The following GALNT18 variants were observed in gnomAD, a reference collection of about 807,000 sequenced individuals.
The protein encoded by GALNT18 is GalNAc-transferase 18.
GALNT18 carries 44 observed loss-of-function variants against 69.5 expected under a neutral mutation model. The ratio of observed to expected loss-of-function variants is 0.63; its 90% CI spans 0.50 to 0.81. The LOEUF (loss-of-function observed/expected upper bound fraction) is 0.81, where lower values mean the gene tolerates loss of function less well. Ranked by LOEUF, GALNT18 falls within the 40% of genes least tolerant of loss-of-function variation. The probability of loss-of-function intolerance (pLI) is 0.00; values close to 1 mark genes in which losing one functional copy is unlikely to be tolerated. For missense variants in GALNT18, 715 were observed against 810.0 expected (o/e 0.88, Z 1.42); for synonymous variants, 364 against 318.2 (o/e 1.14, Z -1.53).
intron 10 of GALNT18, among the ~76,000 whole-genome samples, chr11:11,286,227 A>AAT (rs768229945): frequency 5.9e-5 from 9 of 152,200 alleles, no homozygotes; most frequent in Non-Finnish European, 1.2e-4. Context: ...TGTTTTTAAA[A>AAT]ATACTCATTT....
In GALNT18 at chr11:11,270,962, A is replaced by G. The variant is rs969580717; in HGVS notation, c.*182T>C. ...CTGCAAAATAGTTTGATATCATACC[A>G]TCACCTACCAATCAGCATCTTTCTA... On this transcript the variant is annotated 3_prime_UTR_variant, in exon 11 of 11. Transcript: ENST00000227756. 9.5e-6 allele frequency: 5 copies of G among 524,808 alleles called. No individual in the cohort carries two copies. The East Asian group carries it at 1.1e-4, about 12-fold the overall frequency. The allele number at this position is 524,808 out of a possible 1,614,324, so 32.5% of individuals were successfully genotyped here.
rs1441601409 is a variant in GALNT18, at chr11:11,616,324, A to G, written c.235+5035T>C. Among the ~76,000 whole-genome samples, 1 of 152,246 alleles carries G rather than the reference A, an allele frequency of 6.6e-6. No homozygotes were observed. Among genetic ancestry groups the G allele is most frequent in the Non-Finnish European group, 1.5e-5 (1 of 68,042 alleles). On this transcript the variant is annotated intron_variant, in intron 1 of 10. Coordinates refer to ENST00000227756, the MANE Select transcript of GALNT18 (RefSeq NM_198516.3). The surrounding 1 kb of genome is among the most constrained non-coding windows in gnomAD (Gnocchi z 4.4). ...TGAATGATAACACCCAATGCTGGCC[A>G]GGCTCCATGACTTTGGTACAATAAG...
chr11:11,561,792 G>A (rs945714438), intron 1 of GALNT18, among the ~76,000 whole-genome samples: 2 of 152,316 alleles, frequency 1.3e-5, no homozygotes, highest in African/African-American at 4.8e-5. Flanking sequence ...ATTGGGCAGA[G>A]CCAACAAGGG....
At chr11:11,384,341 C>T (rs1366382773) in intron 3 of GALNT18, among the ~76,000 whole-genome samples, 1 of 152,132 alleles carries the variant, frequency 6.6e-6, no homozygotes, top group African/African-American at 2.4e-5. Context: ...TATTTCTTCA[C>T]AGTTCTGGAG....
rs1221127401 is a variant in GALNT18, at chr11:11,573,644, T to C, written c.235+47715A>G. ...AGAACAAGAAGCTGCTATGAACCAA[T>C]CTTTAGAAAACAGCAGGATCTCCGA... On this transcript the variant is annotated intron_variant, in intron 1 of 10. Transcript: ENST00000227756. The surrounding 1 kb of genome is among the most constrained non-coding windows in gnomAD (Gnocchi z 4.6). 6.6e-6 allele frequency: 1 copy of C among 152,108 alleles called. No homozygotes were observed. Among genetic ancestry groups the C allele is most frequent in the East Asian group, 1.9e-4 (1 of 5,168 alleles). The allele number at this position is 152,108 out of a possible 1,614,324, so 9.4% of individuals were successfully genotyped here.
At chr11:11,577,839 T>G (rs1858963234) in intron 1 of GALNT18, among the ~76,000 whole-genome samples, 2 of 152,160 alleles carry the variant, frequency 1.3e-5, no homozygotes, top group South Asian at 2.1e-4. Context: ...CGTGGGTGGT[T>G]ATTGGTGTGG....
chr11:11,557,052 C>G (rs1032803271), intron 1 of GALNT18, among the ~76,000 whole-genome samples: 1 of 152,158 alleles, frequency 6.6e-6, no homozygotes, highest in Admixed American at 6.5e-5. Flanking sequence ...CCTAGACAGT[C>G]TCAGGACACG....
rs1301658561 is a variant in GALNT18, at chr11:11,465,419, G to A, written c.236-16483C>T. On this transcript the variant is annotated intron_variant, in intron 1 of 10. Transcript: ENST00000227756. The surrounding 1 kb of genome is among the most constrained non-coding windows in gnomAD (Gnocchi z 5.7). ...AAACACCAAGGATTACTCAAAGCTT[G>A]AGTGCTGCTCCTCCAGGCTGCACGG... is the stretch of plus-strand genomic sequence containing the variant. 6.6e-6 allele frequency among the ~76,000 whole-genome samples: 1 copy of A among 152,156 alleles called. No homozygotes were observed. The highest frequency in any genetic ancestry group is 1.5e-5 in the Non-Finnish European group (1 of 68,032).
chr11:11,547,729 G>A (rs780268250), intron 1 of GALNT18, among the ~76,000 whole-genome samples: 2 of 152,034 alleles, frequency 1.3e-5, no homozygotes, highest in Non-Finnish European at 2.9e-5. Context: ...CATCCTCTAC[G>A]CTGCAATTGG....
intron 10 of GALNT18, among the ~76,000 whole-genome samples, chr11:11,285,611 G>T (rs1849178136): frequency 6.6e-6 from 1 of 152,066 alleles, no homozygotes; most frequent in African/African-American, 2.4e-5. Context: ...CTCAAAACTG[G>T]ACAGTTCTAC....
chr11:11,377,423 G>T lies in GALNT18; in HGVS notation c.780-44C>A, dbSNP rs760450222. ...GCCAGAGAGGGTAACCATTTCCAAG[G>T]TGGAAAAATCCAGAGTAGCATCTCC... On this transcript the variant is annotated intron_variant, in intron 4 of 10. Transcript: ENST00000227756. The surrounding 1 kb of genome is among the most constrained non-coding windows in gnomAD (Gnocchi z 4.6). 1.3e-6 allele frequency: 2 copies of T among 1,587,454 alleles called. No individual in the cohort carries two copies. Among genetic ancestry groups the T allele is most frequent in the East Asian group, 4.5e-5 (2 of 44,670 alleles).
At position 11,491,033 on chromosome 11, in the gene GALNT18, C is replaced by CA. The variant is rs140665335; in HGVS notation, c.236-42098dup. The stretch of plus-strand genomic sequence containing the variant: ...GTGCACTGAAGCAGAGTGAGACAGC[C>CA]ACAGAGGCCAGATCTAGGTCTAGCA... On this transcript the variant is annotated intron_variant, in intron 1 of 10. Coordinates refer to ENST00000227756, the MANE Select transcript of GALNT18 (RefSeq NM_198516.3). 3.8e-3 allele frequency among the ~76,000 whole-genome samples: 585 copies of CA among 152,244 alleles called. 4 individuals carry two copies. The highest frequency in any genetic ancestry group is 0.013 in the African/African-American group (558 of 41,546).
chr11:11,364,555 G>C (rs1047169507), intron 6 of GALNT18, among the ~76,000 whole-genome samples: 7 of 140,264 alleles, frequency 5.0e-5, no homozygotes, highest in African/African-American at 2.5e-5. Flanking sequence ...TTACAAGAGG[G>C]GGGGAAAAAG....
At chr11:11,502,225 T>C (rs1856988076) in intron 1 of GALNT18, among the ~76,000 whole-genome samples, 1 of 152,192 alleles carries the variant, frequency 6.6e-6, no homozygotes, top group Admixed American at 6.5e-5. Flanking sequence ...GCAGAATTTA[T>C]GCGCTCCTGG....
At chr11:11,362,560 A>G (rs1160015359) in intron 6 of GALNT18, among the ~76,000 whole-genome samples, 1 of 152,170 alleles carries the variant, frequency 6.6e-6, no homozygotes, top group Non-Finnish European at 1.5e-5. Flanking sequence ...AAGAAATGCA[A>G]ATAGCCTTAA....
At chr11:11,580,431 T>A (rs764690319) in intron 1 of GALNT18, among the ~76,000 whole-genome samples, 12 of 152,184 alleles carry the variant, frequency 7.9e-5, no homozygotes, top group Non-Finnish European at 1.8e-4. Flanking sequence ...TTTCCCGGCT[T>A]TTGCCCAGAC....
chr11:11,491,162 G>A (rs1465107898), intron 1 of GALNT18, among the ~76,000 whole-genome samples: 1 of 152,174 alleles, frequency 6.6e-6, no homozygotes. Context: ...AGCAACATGA[G>A]GTGGCTCTTC....
Position 11,293,140 on chromosome 11 carries a change from G to A in GALNT18, c.1566C>T (p.Thr522=), listed in dbSNP as rs548962000. 9 of 1,360,952 alleles carry A rather than the reference G, an allele frequency of 6.6e-6. No homozygotes were observed. The highest frequency in any genetic ancestry group is 1.5e-5 in the African/African-American group (1 of 66,846). The allele number at this position is 1,360,952 out of a possible 1,614,324, so 84.3% of individuals were successfully genotyped here. Residue 522 remains threonine (T), a synonymous_variant, in exon 10 of 11, where the codon ACC becomes ACT. Coordinates refer to ENST00000227756, the MANE Select transcript of GALNT18 (RefSeq NM_198516.3). ...GGCATCGGTTGTCATCATCATCCAC[G>A]GTGGGGCTCAGAATGCCCACATGGA... The part of the protein sequence containing the change: ...QQIHVGILSP[T]VDDDDNRCLV...
chr11:11,463,209 G>C lies in GALNT18; in HGVS notation c.236-14273C>G, dbSNP rs1451360565. ...ACATACACACTCAGACAGACAGACA[G>C]ACACACACACACACACAGAGAGAGA... On this transcript the variant is annotated intron_variant, in intron 1 of 10. Coordinates refer to ENST00000227756, the MANE Select transcript of GALNT18 (RefSeq NM_198516.3). This position sits in a 1 kb window ranked among gnomAD's most constrained non-coding sequence, Gnocchi z 4.2. Among the ~76,000 whole-genome samples, 1 of 149,962 alleles carries C rather than the reference G, an allele frequency of 6.7e-6. No homozygotes were observed. Among genetic ancestry groups the C allele is most frequent in the African/African-American group, 2.5e-5 (1 of 40,684 alleles).
Sources: allele counts gnomAD v4.1 joint callset (sites outside exome capture counted in the v4.1 genomes callset), GRCh38; gene constraint gnomAD v4.1.1; non-coding constraint Gnocchi (gnomAD v3.1); transcripts MANE v1.5; gene names NCBI Gene and HGNC (gene_info 2026-07-23, HGNC 2026-07-21).